CHODL: variants seen among roughly 807,000 people sequenced by gnomAD.
The protein encoded by CHODL is transmembrane protein MT75.
Under a neutral mutation model 34.5 loss-of-function variants are expected in CHODL, and 29 were observed. The observed-to-expected ratio is 0.84, with a 90% CI of 0.63 to 1.15. The LOEUF (loss-of-function observed/expected upper bound fraction) is 1.15, where lower values mean the gene tolerates loss of function less well. Among genes scored for constraint, CHODL ranks in the 50% most tolerant of loss-of-function variants. CHODL has a pLI of 0.00. For missense variants in CHODL, 332 were observed against 332.5 expected (o/e 1.00, Z 0.01); for synonymous variants, 125 against 116.1 (o/e 1.08, Z -0.49).
chr21:18,119,006 C>A (rs2065446794), intron 2 of CHODL, among the ~76,000 whole-genome samples: 1 of 152,114 alleles, frequency 6.6e-6, no homozygotes, highest in South Asian at 2.1e-4. Context: ...AAATCTCTTT[C>A]CCCTCTTTCC....
intron 2 of CHODL, among the ~76,000 whole-genome samples, chr21:18,195,478 A>G (rs1010433078): frequency 1.4e-4 from 21 of 152,260 alleles, no homozygotes; most frequent in African/African-American, 4.8e-4. Context: ...CATCACCCGC[A>G]GTCCTCAGCA....
chr21:18,076,988 A>G (rs1044660062), intron 2 of CHODL, among the ~76,000 whole-genome samples: 2 of 152,154 alleles, frequency 1.3e-5, no homozygotes, highest in Admixed American at 6.5e-5. Flanking sequence ...GTTGTTTGGA[A>G]CCTTGGCGGC....
At chr21:18,219,960 T>C (rs537479657) in intron 2 of CHODL, among the ~76,000 whole-genome samples, 21 of 152,210 alleles carry the variant, frequency 1.4e-4, no homozygotes, top group African/African-American at 4.6e-4. Flanking sequence ...CTATTTTTAC[T>C]TTTGTATCCT....
chr21:18,051,956 G>C (rs1035336397), intron 2 of CHODL, among the ~76,000 whole-genome samples: 6 of 151,900 alleles, frequency 3.9e-5, no homozygotes, highest in Non-Finnish European at 7.4e-5. Context: ...CAAAACATAT[G>C]ACAGAGCATC....
chr21:18,070,025 TC>T (rs762159927), intron 2 of CHODL, among the ~76,000 whole-genome samples: 612 of 29,112 alleles, frequency 0.021, 19 homozygotes, highest in Middle Eastern at 0.19. Context: ...TTCCCTTCCC[TC>T]CCCCCCCCCA....
intron 2 of CHODL, among the ~76,000 whole-genome samples, chr21:18,194,260 T>A (rs1003986512): frequency 2.0e-5 from 3 of 152,186 alleles, no homozygotes; most frequent in Non-Finnish European, 4.4e-5. Context: ...TCTTCAATGG[T>A]TTCCAATCGT....
At chr21:18,022,627 TC>T (rs1255687870) in intron 1 of CHODL, among the ~76,000 whole-genome samples, 2 of 152,264 alleles carry the variant, frequency 1.3e-5, no homozygotes, top group East Asian at 3.9e-4. Context: ...AATTTTCCAT[TC>T]CCCCAGCCAC....
intron 2 of CHODL, among the ~76,000 whole-genome samples, chr21:18,186,812 T>A (rs1029041580): frequency 6.6e-6 from 1 of 152,212 alleles, no homozygotes; most frequent in African/African-American, 2.4e-5. Context: ...GGTGGATATT[T>A]TTCTAGTGAC....
At position 18,143,545 on chromosome 21, in the gene CHODL, A is replaced by G. The variant is rs540055560; in HGVS notation, c.-44-112964A>G. On this transcript the variant is annotated intron_variant, in intron 2 of 6. Coordinates refer to the CHODL transcript ENST00000400127. ...CTGTGGCAAGATGGTCTGAATTTGA[A>G]CCCTAGCTTCCTCAAATATTAACTG... is the stretch of plus-strand genomic sequence containing the variant. Among the ~76,000 whole-genome samples, 107 of 152,166 alleles carry G rather than the reference A, an allele frequency of 7.0e-4. 3 individuals are homozygous for G. The South Asian group carries it at 0.011, about 16-fold the overall frequency.
At chr21:18,056,500 G>C (rs1269416483) in intron 2 of CHODL, among the ~76,000 whole-genome samples, 2 of 149,784 alleles carry the variant, frequency 1.3e-5, no homozygotes, top group Middle Eastern at 3.2e-3. Flanking sequence ...GTGGTGAGTG[G>C]GGCATTCCCT....
intron 1 of CHODL, among the ~76,000 whole-genome samples, chr21:18,020,953 A>G (rs1039402268): frequency 1.3e-5 from 2 of 152,186 alleles, no homozygotes; most frequent in Admixed American, 1.3e-4. Flanking sequence ...TATTTATATG[A>G]TGAGACACCA....
chr21:18,057,351 T>C (rs2064595604), intron 2 of CHODL, among the ~76,000 whole-genome samples: 1 of 152,120 alleles, frequency 6.6e-6, no homozygotes. Context: ...TTTTATTTTT[T>C]AGAGCAGTTT....
intron 2 of CHODL, among the ~76,000 whole-genome samples, chr21:18,103,045 G>A (rs573179533): frequency 2.0e-5 from 3 of 152,236 alleles, no homozygotes; most frequent in East Asian, 1.9e-4. Context: ...GAGAATAGAT[G>A]AAAAAGTATT....
chr21:18,163,381 G>A (rs141602895), intron 2 of CHODL, among the ~76,000 whole-genome samples: 2 of 152,250 alleles, frequency 1.3e-5, no homozygotes, highest in East Asian at 3.9e-4. Flanking sequence ...ATATTGGACT[G>A]AACAAATTAA....
intron 2 of CHODL, among the ~76,000 whole-genome samples, chr21:18,092,971 C>T (rs285948): frequency 0.36 from 54,546 of 152,008 alleles, 12,178 homozygotes; most frequent in Non-Finnish European, 0.51. Flanking sequence ...AAGATATCAA[C>T]ATTCAAGTAC....
intron 2 of CHODL, among the ~76,000 whole-genome samples, chr21:18,187,906 T>C (rs531965974): frequency 6.6e-6 from 1 of 152,282 alleles, no homozygotes; most frequent in Non-Finnish European, 1.5e-5. Context: ...TTTTTCTTTG[T>C]TTACCTTCAG....
At chr21:18,160,414 G>A (rs1056917783) in intron 2 of CHODL, among the ~76,000 whole-genome samples, 9 of 152,132 alleles carry the variant, frequency 5.9e-5, no homozygotes, top group African/African-American at 2.2e-4. Flanking sequence ...ATGGGGGTTT[G>A]TTGTACAGAT....
At chr21:17,945,445 G>A (rs1390360261) in intron 1 of CHODL, among the ~76,000 whole-genome samples, 1 of 151,930 alleles carries the variant, frequency 6.6e-6, no homozygotes, top group African/African-American at 2.4e-5. Context: ...TAGAGATGAA[G>A]AATACAATGA....
intron 2 of CHODL, among the ~76,000 whole-genome samples, chr21:18,132,909 A>T (rs894529518): frequency 6.6e-6 from 1 of 152,172 alleles, no homozygotes; most frequent in Non-Finnish European, 1.5e-5. Flanking sequence ...ATTATCTAGT[A>T]TAATACACTG....
Sources: allele counts gnomAD v4.1 joint callset (sites outside exome capture counted in the v4.1 genomes callset), GRCh38; gene constraint gnomAD v4.1.1; transcripts MANE v1.5; gene names NCBI Gene and HGNC (gene_info 2026-07-23, HGNC 2026-07-21).